Variants in PARD3 observed in about 807,000 individuals in gnomAD.
PARD3 encodes the protein par-3 family cell polarity regulator.
Under a neutral mutation model 155.4 loss-of-function variants are expected in PARD3, and 75 were observed. The observed-to-expected ratio is 0.48, with a 90% CI of 0.40 to 0.58. PARD3 has a LOEUF of 0.58. Among genes scored for constraint, PARD3 ranks in the 20% least tolerant of loss-of-function variants. PARD3 has a pLI of 0.00. For missense variants in PARD3, 1,642 were observed against 1,721.7 expected (o/e 0.95, Z 0.82); for synonymous variants, 576 against 610.5 (o/e 0.94, Z 0.83).
At chr10:34,736,542 A>C (rs2133851327) in intron 1 of PARD3, among the ~76,000 whole-genome samples, 1 of 152,236 alleles carries the variant, frequency 6.6e-6, no homozygotes, top group Non-Finnish European at 1.5e-5. Flanking sequence ...ATGAAACAAA[A>C]ATAGATCACT....
intron 2 of PARD3, among the ~76,000 whole-genome samples, chr10:34,560,208 G>A (rs1396024709): frequency 2.6e-5 from 4 of 152,102 alleles, no homozygotes; most frequent in African/African-American, 9.7e-5. Flanking sequence ...CAATTATTTT[G>A]TGGGAATTTT....
intron 20 of PARD3, among the ~76,000 whole-genome samples, chr10:34,284,917 T>A (rs1956315357): frequency 6.6e-6 from 1 of 152,202 alleles, no homozygotes; most frequent in African/African-American, 2.4e-5. Flanking sequence ...AACAAACCCA[T>A]TATTGAAAAA....
intron 20 of PARD3, among the ~76,000 whole-genome samples, chr10:34,310,985 T>G (rs1398267058): frequency 6.6e-6 from 1 of 152,252 alleles, no homozygotes; most frequent in East Asian, 1.9e-4. Context: ...CCTTAAATCA[T>G]CAGCAGATTG....
intron 2 of PARD3, among the ~76,000 whole-genome samples, chr10:34,612,515 C>T (rs1464669532): frequency 6.6e-6 from 1 of 152,184 alleles, no homozygotes; most frequent in African/African-American, 2.4e-5. Flanking sequence ...AGATGACAAT[C>T]GTGTGAGAGG....
intron 3 of PARD3, among the ~76,000 whole-genome samples, chr10:34,516,639 C>A (rs545192231): frequency 6.6e-6 from 1 of 152,310 alleles, no homozygotes; most frequent in South Asian, 2.1e-4. Context: ...AATGATGCTA[C>A]GTTTTGTTTC....
intron 9 of PARD3, among the ~76,000 whole-genome samples, chr10:34,378,586 A>G (rs1357294369): frequency 6.6e-6 from 1 of 152,206 alleles, no homozygotes; most frequent in Non-Finnish European, 1.5e-5. Flanking sequence ...GTATCTCTAG[A>G]TAGAGGTAAT....
chr10:34,163,730 A>T (rs1949391049), intron 22 of PARD3, among the ~76,000 whole-genome samples: 1 of 152,176 alleles, frequency 6.6e-6, no homozygotes, highest in Non-Finnish European at 1.5e-5. Context: ...TAGTTTGCAA[A>T]CCCTTCTGTC....
chr10:34,318,473 C>T (rs1958155014), intron 19 of PARD3, among the ~76,000 whole-genome samples: 1 of 152,146 alleles, frequency 6.6e-6, no homozygotes, highest in Non-Finnish European at 1.5e-5. Context: ...CGGCCTCTTC[C>T]CAAACTTTTG....
intron 2 of PARD3, among the ~76,000 whole-genome samples, chr10:34,573,733 AAAAACACACACACACACACACAC>A (rs2086646358): frequency 3.2e-4 from 38 of 118,382 alleles, no homozygotes; most frequent in East Asian, 1.4e-3. Context: ...ACAAACAAAC[AAAAACACACACACACACACACAC>A]ACACACACAC....
At chr10:34,718,467 T>C (rs901706478) in intron 1 of PARD3, among the ~76,000 whole-genome samples, 44 of 146,874 alleles carry the variant, frequency 3.0e-4, no homozygotes, top group African/African-American at 1.1e-3. Flanking sequence ...CAAGACCAGC[T>C]TGGGCAACAA....
intron 4 of PARD3, among the ~76,000 whole-genome samples, chr10:34,461,685 G>A (rs1161615075): frequency 6.6e-6 from 1 of 152,058 alleles, no homozygotes; most frequent in African/African-American, 2.4e-5. Flanking sequence ...TATAGACTAC[G>A]CAAAATTTTG....
At chr10:34,709,797 C>T (rs933487536) in intron 1 of PARD3, among the ~76,000 whole-genome samples, 1 of 152,166 alleles carries the variant, frequency 6.6e-6, no homozygotes, top group Non-Finnish European at 1.5e-5. Context: ...TCCCACCAAA[C>T]CTCCCACTGG....
At chr10:34,432,330 G>A (rs973261253) in intron 5 of PARD3, among the ~76,000 whole-genome samples, 49 of 88,086 alleles carry the variant, frequency 5.6e-4, no homozygotes, top group Middle Eastern at 6.8e-3. Flanking sequence ...AGATATACAC[G>A]TGCACATACA....
intron 2 of PARD3, among the ~76,000 whole-genome samples, chr10:34,636,229 C>T (rs867235870): frequency 6.6e-6 from 1 of 152,180 alleles, no homozygotes; most frequent in Non-Finnish European, 1.5e-5. Flanking sequence ...AGGGCCAGCA[C>T]TCCCTGTACA....
chr10:34,580,366 A>C (rs1038917618), intron 2 of PARD3, among the ~76,000 whole-genome samples: 20 of 152,068 alleles, frequency 1.3e-4, no homozygotes, highest in Admixed American at 1.3e-3. Flanking sequence ...GAAAAAAAAA[A>C]TAAAAAGTAA....
At chr10:34,638,644 TGGACA>T (rs1029326174) in intron 2 of PARD3, among the ~76,000 whole-genome samples, 2 of 152,232 alleles carry the variant, frequency 1.3e-5, no homozygotes, top group African/African-American at 4.8e-5. Flanking sequence ...TGCCCTCTGC[TGGACA>T]GTCCATGAAT....
Position 34,448,163 on chromosome 10 carries a change from G to GTGTGTA in PARD3, c.714+2153_714+2154insTACACA, listed in dbSNP as rs373479806. Among the ~76,000 whole-genome samples, 645 of 149,754 alleles carry GTGTGTA rather than the reference G, an allele frequency of 4.3e-3. 6 individuals are homozygous for GTGTGTA. The highest frequency in any genetic ancestry group is 0.015 in the African/African-American group (610 of 40,490). On this transcript the variant is annotated intron_variant, in intron 5 of 24. Coordinates refer to ENST00000374788, the MANE Select transcript of PARD3 (RefSeq NM_001184785.2). ...TGTGTGTGTGTGTGTGTGTGTGTGTGTACACATAAATGTATAAAATGGAAT... is the reference window on the plus strand; with the variant it reads ...TGTGTGTGTGTGTGTGTGTGTGTGTGTGTGTATACACATAAATGTATAAAATGGAAT...
At chr10:34,344,954 T>C (rs1321301740) in intron 15 of PARD3, 7 of 985,302 alleles carry the variant, frequency 7.1e-6, no homozygotes, top group Non-Finnish European at 8.4e-6. Flanking sequence ...GGCTGGAGTA[T>C]GTGGTTTGAA....
At chr10:34,614,410 AG>A (rs1177190158) in intron 2 of PARD3, among the ~76,000 whole-genome samples, 1 of 152,266 alleles carries the variant, frequency 6.6e-6, no homozygotes, top group Non-Finnish European at 1.5e-5. Flanking sequence ...TAAATTTAAA[AG>A]AAACCAAGTC....
Sources: allele counts gnomAD v4.1 joint callset (sites outside exome capture counted in the v4.1 genomes callset), GRCh38; gene constraint gnomAD v4.1.1; transcripts MANE v1.5; gene names NCBI Gene and HGNC (gene_info 2026-07-23, HGNC 2026-07-21).